Variants in ETV1 observed in about 807,000 individuals in gnomAD.
ETV1 encodes ETS variant transcription factor 1, also known as ETS translocation variant 1.
Under a neutral mutation model 62.3 loss-of-function variants are expected in ETV1, and 27 were observed. The observed-to-expected ratio is 0.43, with a 90% CI of 0.32 to 0.60. The LOEUF is 0.60. ETV1 is among the 20% of genes least tolerant of loss of function. The probability of loss-of-function intolerance (pLI) is 0.06; values close to 1 mark genes in which losing one functional copy is unlikely to be tolerated. For missense variants in ETV1, 605 were observed against 605.8 expected, an observed-to-expected ratio of 1.00 and a Z score of 0.01; for synonymous variants, 222 against 199.6, an observed-to-expected ratio of 1.11 and a Z score of -0.94.
intron 11 of ETV1, chr7:13,907,677 C>T (rs1200905266): frequency 3.3e-6 from 1 of 305,784 alleles, no homozygotes; most frequent in Non-Finnish European, 6.9e-6. Context: ...ATTGTTAGTG[C>T]ATAAATTGCT....
intron 9 of ETV1, among the ~76,000 whole-genome samples, chr7:13,913,396 C>T (rs559581449): frequency 6.6e-6 from 1 of 152,280 alleles, no homozygotes; most frequent in Non-Finnish European, 1.5e-5. Context: ...TCTGACATTG[C>T]ATGGGAGTAT....
At chr7:13,965,072 C>T (rs2128487226) in intron 6 of ETV1, among the ~76,000 whole-genome samples, 1 of 152,262 alleles carries the variant, frequency 6.6e-6, no homozygotes, top group Middle Eastern at 3.4e-3. Flanking sequence ...CTACTACTGC[C>T]TCCATTCCCA....
At chr7:13,902,521 T>TG (rs139895657) in intron 12 of ETV1, among the ~76,000 whole-genome samples, 8,762 of 138,828 alleles carry the variant, frequency 0.063, 364 homozygotes, top group African/African-American at 0.13. Context: ...GAAGCGGGGG[T>TG]GGGGGCGCTG....
At chr7:13,963,323 C>G (rs1050887581) in intron 6 of ETV1, among the ~76,000 whole-genome samples, 1 of 151,916 alleles carries the variant, frequency 6.6e-6, no homozygotes, top group African/African-American at 2.4e-5. Flanking sequence ...AAGAATTTAA[C>G]CAACAGGACA....
upstream of ETV1, chr7:13,989,796 C>T: frequency 2.6e-6 from 1 of 392,058 alleles, no homozygotes; most frequent in Non-Finnish European, 4.5e-6. Context: ...GTCAATCAGG[C>T]GGCTTGCTGC....
chr7:13,962,833 C>G (rs1790348223), intron 6 of ETV1, among the ~76,000 whole-genome samples: 1 of 152,100 alleles, frequency 6.6e-6, no homozygotes, highest in Non-Finnish European at 1.5e-5. Context: ...GAATAAAAAT[C>G]ATTTTTGATA....
Position 13,893,959 on chromosome 7 carries a change from CT to C in ETV1, c.*1906del. On this transcript the variant is annotated 3_prime_UTR_variant, in exon 14 of 14. Coordinates refer to ENST00000430479, the MANE Select transcript of ETV1 (RefSeq NM_004956.5). ...ACATACATATTTTGAAATTGGAGTA[CT>C]TTTTGTAGGATTAAATGTGAAGAGT... The C allele has an allele frequency of 4.3e-6, 1 of 233,006 alleles. No homozygotes were observed. Among genetic ancestry groups the C allele is most frequent in the Non-Finnish European group, 8.5e-6 (1 of 117,802 alleles). The allele number at this position is 233,006 out of a possible 1,614,324, so 14.4% of individuals were successfully genotyped here. A position where few individuals can be genotyped will look rare whatever the true frequency, so the allele number is the denominator to read the frequency against.
In ETV1 at chr7:13,957,308, G is replaced by C. The variant is rs185078925; in HGVS notation, c.236-18062C>G. 3.1e-3 allele frequency among the ~76,000 whole-genome samples: 465 copies of C among 151,980 alleles called. 7 individuals carry two copies. The highest frequency in any genetic ancestry group is 5.5e-3 in the Non-Finnish European group (374 of 67,950). ...TCACCGTGTTAGCCAGGATGGTCTC[G>C]ATCTCCTGACCTCGTGATTTGCCCG... On this transcript the variant is annotated intron_variant, in intron 6 of 13. Transcript: ENST00000430479.
At chr7:13,990,231 G>A (rs1174809588), upstream of ETV1, among the ~76,000 whole-genome samples, 2 of 151,970 alleles carry the variant, frequency 1.3e-5, no homozygotes, top group African/African-American at 2.4e-5. Context: ...ATGGTTTATC[G>A]AAACATTTTT....
At chr7:13,911,937 T>A (rs1180972389) in intron 9 of ETV1, among the ~76,000 whole-genome samples, 1 of 152,158 alleles carries the variant, frequency 6.6e-6, no homozygotes, top group East Asian at 1.9e-4. Context: ...TAACCAATGG[T>A]ACTTCAAATT....
At chr7:13,908,358 T>C (rs1424194671) in intron 11 of ETV1, among the ~76,000 whole-genome samples, 1 of 152,136 alleles carries the variant, frequency 6.6e-6, no homozygotes, top group Non-Finnish European at 1.5e-5. Context: ...TATATGCCCT[T>C]ACTAATTTTC....
rs191515902 is a variant in ETV1 at position 13,894,499 on chromosome 7, C to T, written c.*1367G>A. 33 of 232,120 alleles carry T rather than the reference C, an allele frequency of 1.4e-4. No individual in the cohort carries two copies. The highest frequency in any genetic ancestry group is 1.1e-3 in the East Asian group (18 of 16,266). 14.4% of individuals were successfully genotyped at this position (232,120 alleles called of 1,614,324 possible). A position where few individuals can be genotyped will look rare whatever the true frequency, so the allele number is the denominator to read the frequency against. On this transcript the variant is annotated 3_prime_UTR_variant, in exon 14 of 14. Coordinates refer to ENST00000430479, the MANE Select transcript of ETV1 (RefSeq NM_004956.5). Reference sequence around the variant, plus strand: ...ACAGCAACTTCCTCATATTCTTTGACGGTTTGTAAATAATTTTCCATATCA... The same window carrying T: ...ACAGCAACTTCCTCATATTCTTTGATGGTTTGTAAATAATTTTCCATATCA...
rs1378163428 is a variant in ETV1, at chr7:13,988,610, G to C, written c.45+398C>G. On this transcript the variant is annotated intron_variant, in intron 3 of 13. Coordinates refer to ENST00000430479, the MANE Select transcript of ETV1 (RefSeq NM_004956.5). ...GTAGAGAAATGAAAAAAAAAAAAAA[G>C]AGAAAATGAGAAAAAAAAAAGAAAC... 3.2e-5 allele frequency: 32 copies of C among 1,008,814 alleles called. 1 individual carries two copies. Among genetic ancestry groups the C allele is most frequent in the Non-Finnish European group, 3.8e-5 (31 of 821,956 alleles). 62.5% of individuals were successfully genotyped at this position (1,008,814 alleles called of 1,614,324 possible).
At chr7:13,924,952 A>G (rs1434759662) in intron 9 of ETV1, among the ~76,000 whole-genome samples, 2 of 152,292 alleles carry the variant, frequency 1.3e-5, no homozygotes, top group East Asian at 3.9e-4. Flanking sequence ...GTGCCTCCAA[A>G]TTGAAAAAAG....
chr7:13,986,875 C>T (rs1486426115), intron 4 of ETV1, 190 bp from the exon 5 acceptor site: 3 of 531,022 alleles, frequency 5.6e-6, no homozygotes, highest in Non-Finnish European at 9.9e-6. Flanking sequence ...GCCTATTAAG[C>T]AACTCTTTAA....
intron 6 of ETV1, among the ~76,000 whole-genome samples, chr7:13,956,113 T>C (rs1232995481): frequency 2.6e-5 from 4 of 152,206 alleles, no homozygotes; most frequent in Non-Finnish European, 5.9e-5. Context: ...GTTGATATGA[T>C]CTAGTGATAA....
intron 6 of ETV1, among the ~76,000 whole-genome samples, chr7:13,960,365 A>C (rs1790024052): frequency 6.6e-6 from 1 of 152,180 alleles, no homozygotes; most frequent in African/African-American, 2.4e-5. Context: ...TTAAGTAGAT[A>C]TTGATACTGC....
chr7:13,937,442 TTATTGCATATGCCA>T (rs71799373), intron 7 of ETV1, among the ~76,000 whole-genome samples: 2,992 of 152,306 alleles, frequency 0.02, 107 homozygotes, highest in African/African-American at 0.069. Flanking sequence ...GTACCAGAAT[TTATTGCATATGCCA>T]TATATCACTG....
intron 9 of ETV1, among the ~76,000 whole-genome samples, chr7:13,913,550 A>G (rs1197657763): frequency 2.6e-5 from 4 of 152,218 alleles, no homozygotes; most frequent in Non-Finnish European, 5.9e-5. Context: ...CAGTATCTGC[A>G]CACTGTAAGA....
Sources: gnomAD v4.1 joint callset for allele counts (sites outside exome capture counted in the v4.1 genomes callset) on GRCh38, gnomAD v4.1.1 for gene constraint, MANE v1.5 for transcripts, NCBI Gene and HGNC (gene_info 2026-07-23, HGNC 2026-07-21) for gene names.